LMO7: variants seen among roughly 807,000 people sequenced by gnomAD.
LMO7 encodes the protein LIM domain 7, also known as LIM domain only protein 7.
A neutral mutation model predicts 206.5 loss-of-function variants in LMO7; 120 were observed. That is an observed-to-expected ratio of 0.58 (90% CI 0.50 to 0.68). The LOEUF is 0.68. Ranked by LOEUF, LMO7 falls within the 30% of genes least tolerant of loss-of-function variation. The probability of loss-of-function intolerance (pLI) is 0.00; values close to 1 mark genes in which losing one functional copy is unlikely to be tolerated. For missense variants in LMO7, 1,959 were observed against 1,957.9 expected (o/e 1.00, Z -0.01); for synonymous variants, 706 against 681.5 (o/e 1.04, Z -0.56).
chr13:75,740,345 C>G (rs2046314675), intron 3 of LMO7, among the ~76,000 whole-genome samples: 2 of 152,212 alleles, frequency 1.3e-5, no homozygotes, highest in Admixed American at 1.3e-4. Flanking sequence ...TCCCAGCCCT[C>G]TGGGAGGTCA....
chr13:75,747,075 G>T (rs546652740), intron 3 of LMO7, among the ~76,000 whole-genome samples: 7 of 152,004 alleles, frequency 4.6e-5, no homozygotes, highest in African/African-American at 1.7e-4. Context: ...TAAAAATCTG[G>T]ACTAAAAAAT....
At chr13:75,755,928 A>T (rs1191347275) in intron 3 of LMO7, among the ~76,000 whole-genome samples, 1 of 152,208 alleles carries the variant, frequency 6.6e-6, no homozygotes, top group African/African-American at 2.4e-5. Context: ...GAGAAAGTGA[A>T]GAATAGAGTG....
At chr13:75,848,661 A>T (rs2060215107) in intron 26 of LMO7, among the ~76,000 whole-genome samples, 1 of 151,226 alleles carries the variant, frequency 6.6e-6, no homozygotes, top group Non-Finnish European at 1.5e-5. Context: ...TCATTGATTG[A>T]TGGGCATTTG....
chr13:75,715,787 A>T (rs1180919753), intron 2 of LMO7, among the ~76,000 whole-genome samples: 1 of 152,214 alleles, frequency 6.6e-6, no homozygotes, highest in Non-Finnish European at 1.5e-5. Context: ...CTCTGAAATG[A>T]TTAAGCAGGC....
At chr13:75,840,849 T>A (rs1340511105) in intron 22 of LMO7, among the ~76,000 whole-genome samples, 1 of 152,134 alleles carries the variant, frequency 6.6e-6, no homozygotes, top group African/African-American at 2.4e-5. Context: ...GCTAGAGGCC[T>A]TAATGAATTA....
chr13:75,708,147 G>C (rs1474109726), intron 1 of LMO7, among the ~76,000 whole-genome samples: 1 of 152,166 alleles, frequency 6.6e-6, no homozygotes, highest in Non-Finnish European at 1.5e-5. Context: ...TCAAGAACTT[G>C]ATTGCACATT....
chr13:75,759,996 A>G (rs1159244078), intron 3 of LMO7, among the ~76,000 whole-genome samples: 1 of 152,066 alleles, frequency 6.6e-6, no homozygotes, highest in Non-Finnish European at 1.5e-5. Flanking sequence ...GTAACAGTTA[A>G]TATGGAGAAC....
Position 75,836,388 on chromosome 13 carries a change from C to T in LMO7, c.3334-9C>T. The T allele has an allele frequency of 2.0e-6, 3 of 1,499,762 alleles. No individual in the cohort carries two copies. Among genetic ancestry groups the T allele is most frequent in the Non-Finnish European group, 1.8e-6 (2 of 1,094,928 alleles). 92.9% of individuals were successfully genotyped at this position (1,499,762 alleles called of 1,614,324 possible). ...AGAGAATATTAACTAGCATTTTTAC[C>T]CTTTCCAGAATATTGAATCCAAAGA... On this transcript the variant is annotated splice_polypyrimidine_tract_variant and intron_variant, in intron 18 of 30. Transcript: ENST00000377534.
At chr13:75,852,883 A>G (rs547197572) in intron 27 of LMO7, among the ~76,000 whole-genome samples, 49 of 152,298 alleles carry the variant, frequency 3.2e-4, no homozygotes, top group African/African-American at 1.2e-3. Context: ...AGTATTTTTG[A>G]CTTACAGTAT....
intron 27 of LMO7, among the ~76,000 whole-genome samples, chr13:75,852,846 A>G (rs1479899282): frequency 6.6e-6 from 1 of 152,188 alleles, no homozygotes; most frequent in Non-Finnish European, 1.5e-5. Flanking sequence ...GCTTAGTTAC[A>G]ATGTATGGTA....
intron 1 of LMO7, among the ~76,000 whole-genome samples, chr13:75,651,170 CA>C (rs1473585535): frequency 6.6e-6 from 1 of 152,182 alleles, no homozygotes; most frequent in Non-Finnish European, 1.5e-5. Flanking sequence ...TTGACAGCCA[CA>C]CTACAATTTA....
chr13:75,652,655 GTGTA>G (rs917074137), intron 1 of LMO7, among the ~76,000 whole-genome samples: 1 of 147,596 alleles, frequency 6.8e-6, no homozygotes, highest in African/African-American at 2.5e-5. Context: ...GTGTGTGTGT[GTGTA>G]TTTATTTTTA....
At chr13:75,849,628 T>C (rs1429236281) in intron 27 of LMO7, among the ~76,000 whole-genome samples, 4 of 152,124 alleles carry the variant, frequency 2.6e-5, no homozygotes, top group African/African-American at 9.7e-5. Flanking sequence ...TAATGCACAG[T>C]GCTCTTAGAA....
chr13:75,700,533 C>T (rs895378604), intron 1 of LMO7, among the ~76,000 whole-genome samples: 5 of 152,200 alleles, frequency 3.3e-5, no homozygotes, highest in Non-Finnish European at 5.9e-5. Context: ...GATTGTTTTC[C>T]TTATTAAGTC....
At chr13:75,763,909 A>G (rs190570014) in intron 4 of LMO7, among the ~76,000 whole-genome samples, 2,466 of 152,242 alleles carry the variant, frequency 0.016, 54 homozygotes, top group African/African-American at 0.047. Context: ...ACTGTTTTTC[A>G]GTTTTCTAGC....
intron 13 of LMO7, among the ~76,000 whole-genome samples, chr13:75,820,431 A>G (rs550882449): frequency 2.6e-5 from 4 of 152,288 alleles, no homozygotes; most frequent in Admixed American, 6.5e-5. Context: ...AATTACTGTA[A>G]ATTTTTGCAG....
intron 24 of LMO7, 115 bp downstream of exon 24, chr13:75,842,098 A>G (rs960147239): frequency 5.4e-6 from 4 of 735,332 alleles, no homozygotes; most frequent in African/African-American, 5.3e-5. Context: ...AGTGAATACA[A>G]GCCACCAAAG....
chr13:75,835,838 A>T (rs986793953), intron 18 of LMO7, among the ~76,000 whole-genome samples: 3 of 152,188 alleles, frequency 2.0e-5, no homozygotes, highest in Non-Finnish European at 4.4e-5. Context: ...GATCAAAAAT[A>T]TAATGTAGAA....
At chr13:75,706,569 A>G (rs1374090682) in intron 1 of LMO7, among the ~76,000 whole-genome samples, 1 of 152,098 alleles carries the variant, frequency 6.6e-6, no homozygotes, top group African/African-American at 2.4e-5. Context: ...TTATATTTTT[A>G]TTATCTTCCT....
Sources: gnomAD v4.1 joint callset for allele counts (sites outside exome capture counted in the v4.1 genomes callset) on GRCh38, gnomAD v4.1.1 for gene constraint, MANE v1.5 for transcripts, NCBI Gene and HGNC (gene_info 2026-07-23, HGNC 2026-07-21) for gene names.